Variants in DPP10 observed in about 807,000 individuals in gnomAD.
DPP10 encodes the protein dipeptidyl peptidase like 10.
Under a neutral mutation model 120.9 loss-of-function variants are expected in DPP10, and 33 were observed. That is an observed-to-expected ratio of 0.27 (90% CI 0.21 to 0.37). DPP10 has a LOEUF of 0.37. DPP10 is among the 10% of genes least tolerant of loss of function. DPP10 has a pLI of 1.00. For synonymous variants in DPP10, 337 were observed against 326.1 expected, an observed-to-expected ratio of 1.03 and a Z score of -0.36; for missense variants, 816 against 942.8, an observed-to-expected ratio of 0.87 and a Z score of 1.76.
At chr2:115,571,947 C>A (rs962125989) in intron 5 of DPP10, among the ~76,000 whole-genome samples, 61 of 151,994 alleles carry the variant, frequency 4.0e-4, no homozygotes, top group African/African-American at 1.4e-3. Context: ...TTATTACGGA[C>A]CATTTTTCTA....
chr2:114,948,341 C>T (rs1168939887), intron 1 of DPP10, among the ~76,000 whole-genome samples: 3 of 152,046 alleles, frequency 2.0e-5, no homozygotes, highest in East Asian at 1.9e-4. Context: ...TTTCTTATCT[C>T]TACAAAGATA....
chr2:114,738,018 C>T (rs553075227), intron 1 of DPP10, among the ~76,000 whole-genome samples: 4 of 152,124 alleles, frequency 2.6e-5, no homozygotes, highest in Non-Finnish European at 4.4e-5. Context: ...ACAATCATGA[C>T]GGAAGGTGAA....
In DPP10 at chr2:115,432,991, C is replaced by T. The variant is rs370574159; in HGVS notation, c.272-66519C>T. On this transcript the variant is annotated intron_variant, in intron 3 of 25. Transcript: ENST00000410059. ...TGATCCAAGTGCCTTGTCATCTAAA[C>T]CAAACAGAGCAGAATCTCCAACTCT... Among the ~76,000 whole-genome samples the T allele has an allele frequency of 7.9e-5, 12 of 152,062 alleles. No homozygotes were observed. The East Asian group carries it at 1.2e-3, about 15-fold the overall frequency.
At chr2:115,767,028 G>C (rs1230439097) in intron 12 of DPP10, among the ~76,000 whole-genome samples, 1 of 152,146 alleles carries the variant, frequency 6.6e-6, no homozygotes, top group African/African-American at 2.4e-5. Flanking sequence ...TGGAAAACTA[G>C]AAAGAAAATA....
intron 1 of DPP10, among the ~76,000 whole-genome samples, chr2:115,133,152 T>TATATAC (rs1427424161): frequency 9.7e-5 from 10 of 102,572 alleles, no homozygotes; most frequent in African/African-American, 4.3e-4. Context: ...TGTGTATATA[T>TATATAC]ATATATATAT....
intron 8 of DPP10, among the ~76,000 whole-genome samples, chr2:115,733,545 A>G (rs1334815621): frequency 6.6e-6 from 1 of 151,618 alleles, no homozygotes; most frequent in Non-Finnish European, 1.5e-5. Flanking sequence ...AGTTATGAAT[A>G]GAGACTATTC....
At chr2:115,047,360 A>G (rs1705143622) in intron 1 of DPP10, among the ~76,000 whole-genome samples, 1 of 152,010 alleles carries the variant, frequency 6.6e-6, no homozygotes, top group Non-Finnish European at 1.5e-5. Flanking sequence ...ACAATACTAA[A>G]TGTTAATTAA....
chr2:115,727,094 C>T (rs2092783446), intron 7 of DPP10, among the ~76,000 whole-genome samples: 1 of 152,104 alleles, frequency 6.6e-6, no homozygotes, highest in South Asian at 2.1e-4. Context: ...ATATCATAGG[C>T]ACATTGTGAC....
intron 7 of DPP10, among the ~76,000 whole-genome samples, chr2:115,691,869 T>G (rs1277954392): frequency 6.6e-6 from 1 of 152,140 alleles, no homozygotes; most frequent in East Asian, 1.9e-4. Context: ...ATCTAAAAAT[T>G]TACACTTTAT....
chr2:114,895,434 A>C (rs543721797), intron 1 of DPP10, among the ~76,000 whole-genome samples: 2 of 152,174 alleles, frequency 1.3e-5, no homozygotes, highest in Admixed American at 1.3e-4. Context: ...AGTGTTGTCC[A>C]TTGGAACATG....
chr2:114,520,825 A>G (rs1684985276), intron 1 of DPP10, among the ~76,000 whole-genome samples: 2 of 152,200 alleles, frequency 1.3e-5, no homozygotes, highest in Admixed American at 6.5e-5. Flanking sequence ...CTGTGAACCA[A>G]GATGATCCAA....
At chr2:115,592,836 C>T (rs1293648045) in intron 5 of DPP10, among the ~76,000 whole-genome samples, 1 of 152,106 alleles carries the variant, frequency 6.6e-6, no homozygotes. Context: ...AAATTCTCTA[C>T]AGAGGCAAAA....
At chr2:114,959,079 G>A (rs1471520251) in intron 1 of DPP10, among the ~76,000 whole-genome samples, 1 of 152,096 alleles carries the variant, frequency 6.6e-6, no homozygotes, top group Admixed American at 6.6e-5. Flanking sequence ...TTTTCTCTGA[G>A]ATGGAGTCTT....
intron 1 of DPP10, among the ~76,000 whole-genome samples, chr2:114,846,609 T>C (rs1259018769): frequency 6.6e-6 from 1 of 152,104 alleles, no homozygotes; most frequent in African/African-American, 2.4e-5. Flanking sequence ...AAGATGAGGA[T>C]TTGAAGTTGG....
At chr2:115,727,135 T>G (rs112055855) in intron 7 of DPP10, among the ~76,000 whole-genome samples, 2,117 of 152,222 alleles carry the variant, frequency 0.014, 15 homozygotes, top group Non-Finnish European at 0.02. Flanking sequence ...GTTCCTGTTG[T>G]TGGGGCTATT....
At chr2:115,133,143 GTGTATATATATA>G (rs1158407722) in intron 1 of DPP10, among the ~76,000 whole-genome samples, 8 of 32,010 alleles carry the variant, frequency 2.5e-4, no homozygotes, top group African/African-American at 7.3e-4. Context: ...GTGTGTGTGT[GTGTATATATATA>G]TATATATATA....
intron 1 of DPP10, among the ~76,000 whole-genome samples, chr2:115,143,122 T>C (rs779526420): frequency 2.1e-4 from 32 of 152,340 alleles, no homozygotes; most frequent in Admixed American, 6.5e-4. Flanking sequence ...TAGATTCACA[T>C]GCCTTGGGAT....
chr2:115,650,912 A>G (rs2087714015), intron 5 of DPP10, among the ~76,000 whole-genome samples: 1 of 152,006 alleles, frequency 6.6e-6, no homozygotes, highest in Non-Finnish European at 1.5e-5. Flanking sequence ...AGGAAGAAAG[A>G]GAGTGAGAGA....
intron 5 of DPP10, among the ~76,000 whole-genome samples, chr2:115,590,150 C>CA (rs1333327378): frequency 9.8e-5 from 5 of 50,948 alleles, no homozygotes; most frequent in African/African-American, 2.7e-4. Flanking sequence ...TATTTGTTTT[C>CA]TTTATTATTA....
Sources: gnomAD v4.1 joint callset for allele counts (sites outside exome capture counted in the v4.1 genomes callset) on GRCh38, gnomAD v4.1.1 for gene constraint, MANE v1.5 for transcripts, NCBI Gene and HGNC (gene_info 2026-07-23, HGNC 2026-07-21) for gene names.